Variants in NBEA observed in about 807,000 individuals in gnomAD.
NBEA encodes the protein neurobeachin.
Under a neutral mutation model 343.4 loss-of-function variants are expected in NBEA, and 44 were observed. That is an observed-to-expected ratio of 0.13 (90% confidence interval 0.10 to 0.16). The LOEUF is 0.16. NBEA is among the 10% of genes least tolerant of loss of function. The pLI is 1.00. For missense variants in NBEA, 2,555 were observed against 3,631.3 expected (o/e 0.70, Z 7.62); for synonymous variants, 1,175 against 1,238.7 (o/e 0.95, Z 1.08).
chr13:35,612,017 A>G lies in NBEA; in HGVS notation c.7449+5439A>G, dbSNP rs80031955. Reference sequence around the variant, plus strand: ...TTCTCAAAATGACCTTGCATTCCCCAGCAATGTATGACAGTTCCAGTTCCT... The same window carrying G: ...TTCTCAAAATGACCTTGCATTCCCCGGCAATGTATGACAGTTCCAGTTCCT... On this transcript the variant is annotated intron_variant, in intron 48 of 58. Transcript: ENST00000379939. Among the ~76,000 whole-genome samples the G allele has an allele frequency of 4.2e-3, 640 of 151,666 alleles. 6 individuals carry two copies. Among genetic ancestry groups the G allele is most frequent in the African/African-American group, 0.015 (609 of 41,380 alleles).
At chr13:35,449,579 A>G (rs1195328007) in intron 39 of NBEA, among the ~76,000 whole-genome samples, 1 of 152,186 alleles carries the variant, frequency 6.6e-6, no homozygotes. Flanking sequence ...TTTGTTCTCA[A>G]ATGATGCAAG....
intron 1 of NBEA, among the ~76,000 whole-genome samples, chr13:34,970,235 A>G (rs112436232): frequency 0.015 from 2,341 of 152,072 alleles, 63 homozygotes; most frequent in African/African-American, 0.054. Flanking sequence ...CCATTTTTTA[A>G]TGGCATTGTT....
At chr13:35,009,606 C>T (rs1025924989) in intron 1 of NBEA, among the ~76,000 whole-genome samples, 2 of 152,068 alleles carry the variant, frequency 1.3e-5, no homozygotes, top group African/African-American at 4.8e-5. Context: ...GAGTGCTGTA[C>T]AAGTTTGGAT....
intron 41 of NBEA, among the ~76,000 whole-genome samples, chr13:35,496,460 T>C (rs924572816): frequency 6.6e-6 from 1 of 151,284 alleles, no homozygotes; most frequent in Non-Finnish European, 1.5e-5. Context: ...CATGGTGAGA[T>C]CTTGTCTCTA....
Position 35,045,383 on chromosome 13 carries a change from C to T in NBEA, c.705C>T (p.Phe235=), listed in dbSNP as rs767011945. Residue 235 remains phenylalanine (F), a synonymous_variant, in exon 4 of 59, where the codon TTC becomes TTT. Coordinates refer to ENST00000379939, the MANE Select transcript of NBEA (RefSeq NM_001385012.1). The stretch of plus-strand genomic sequence containing the variant: ...ACGGTCCTGATACTTTTTTCAATTT[C>T]CCTGGTTGTAGCGCTGCGGTAAGTT... ...QRHGPDTFFN[F]PGCSAAAIAL... 6.2e-7 allele frequency: 1 copy of T among 1,609,204 alleles called. No homozygotes were observed.
intron 41 of NBEA, among the ~76,000 whole-genome samples, chr13:35,535,843 G>A (rs2078512862): frequency 1.3e-5 from 2 of 152,116 alleles, no homozygotes; most frequent in Non-Finnish European, 1.5e-5. Flanking sequence ...AAAACTAAGT[G>A]CTAGTAAAGT....
intron 38 of NBEA, among the ~76,000 whole-genome samples, chr13:35,430,342 C>T (rs1475339447): frequency 1.3e-5 from 2 of 152,012 alleles, no homozygotes; most frequent in Non-Finnish European, 2.9e-5. Context: ...GTCTGGATTC[C>T]TGTTGCCCAA....
At chr13:35,652,688 CTTTTTTTTTTT>C (rs766315741) in intron 53 of NBEA, among the ~76,000 whole-genome samples, 1 of 67,574 alleles carries the variant, frequency 1.5e-5, no homozygotes, top group Non-Finnish European at 2.5e-5. Context: ...TTCTGGCAGT[CTTTTTTTTTTT>C]TTTTTTTTTT....
At chr13:35,474,697 T>G (rs879091724) in intron 41 of NBEA, 2 of 191,764 alleles carry the variant, frequency 1.0e-5, no homozygotes, top group Admixed American at 1.1e-4. Flanking sequence ...CACAGACAGA[T>G]GCACCTAAAT....
chr13:35,292,261 CA>C (rs2035850940), intron 35 of NBEA, among the ~76,000 whole-genome samples: 1 of 151,718 alleles, frequency 6.6e-6, no homozygotes, highest in South Asian at 2.1e-4. Context: ...ACACACATAC[CA>C]AAAAATGGAC....
chr13:35,522,244 G>T (rs917966707), intron 41 of NBEA, among the ~76,000 whole-genome samples: 1 of 151,860 alleles, frequency 6.6e-6, no homozygotes, highest in African/African-American at 2.4e-5. Flanking sequence ...ATCACCTGAG[G>T]ATCACCTGAG....
At chr13:35,560,583 G>C (rs1263047632) in intron 44 of NBEA, among the ~76,000 whole-genome samples, 5 of 152,152 alleles carry the variant, frequency 3.3e-5, no homozygotes, top group African/African-American at 1.2e-4. Flanking sequence ...GGGGAGTGAA[G>C]AAGTTAGAAC....
chr13:35,408,528 T>TG (rs1228183108), intron 38 of NBEA, among the ~76,000 whole-genome samples: 1 of 152,046 alleles, frequency 6.6e-6, no homozygotes, highest in Non-Finnish European at 1.5e-5. Context: ...TTTAAAGAGC[T>TG]TCTGCACAGC....
rs774462457 is a variant in NBEA, at chr13:35,555,120, TTAATC to T, written c.6922+23_6922+27del. The T allele has an allele frequency of 1.1e-5, 15 of 1,324,724 alleles. No individual in the cohort carries two copies. The highest frequency in any genetic ancestry group is 1.1e-4 in the South Asian group (9 of 81,488). The allele number at this position is 1,324,724 out of a possible 1,614,324, so 82.1% of individuals were successfully genotyped here. ...TATTGCAGGTAAGATGTCTCATTCT[TTAATC>T]TAATAATATGTTTATGTTCATCAAA... On this transcript the variant is annotated intron_variant, in intron 44 of 58. Transcript: ENST00000379939.
intron 33 of NBEA, among the ~76,000 whole-genome samples, chr13:35,220,175 T>C (rs1835907452): frequency 6.6e-6 from 1 of 152,206 alleles, no homozygotes; most frequent in African/African-American, 2.4e-5. Flanking sequence ...CCCCAAATTT[T>C]GCAGACATAC....
At chr13:35,264,190 A>G (rs1578014) in intron 34 of NBEA, among the ~76,000 whole-genome samples, 6,303 of 151,956 alleles carry the variant, frequency 0.041, 408 homozygotes, top group African/African-American at 0.14. Context: ...GATACATACA[A>G]TCTACCAAGA....
At chr13:35,447,267 C>T (rs1390844267) in intron 39 of NBEA, among the ~76,000 whole-genome samples, 1 of 151,804 alleles carries the variant, frequency 6.6e-6, no homozygotes, top group Non-Finnish European at 1.5e-5. Context: ...AAAATAACAA[C>T]AAAACTTTAA....
intron 36 of NBEA, 50 bp downstream of exon 36, chr13:35,309,642 A>G: frequency 1.9e-6 from 2 of 1,046,514 alleles, no homozygotes; most frequent in Non-Finnish European, 2.8e-6. Flanking sequence ...ATTTTATTCC[A>G]CTGGGCAATT....
Position 35,159,305 on chromosome 13 carries a change from G to T in NBEA, c.3134G>T (p.Gly1045Val). The T allele has an allele frequency of 6.2e-7, 1 of 1,613,576 alleles. No individual in the cohort carries two copies. Among genetic ancestry groups the T allele is most frequent in the South Asian group, 1.1e-5 (1 of 91,072 alleles). Residue 1045 changes from glycine to valine, a missense_variant, in exon 22 of 59, where the codon GGA becomes GTA. Coordinates refer to ENST00000379939, the MANE Select transcript of NBEA (RefSeq NM_001385012.1). Reference protein sequence around the residue: ...DDILGNSDRPGSGVHVEVHDL... With the variant: ...DDILGNSDRPVSGVHVEVHDL... Reference sequence around the variant, plus strand: ...ATTCTTGGAAATTCAGATAGACCAGGAAGTGGTGTACATGTGGAAGTACAT... The same window carrying T: ...ATTCTTGGAAATTCAGATAGACCAGTAAGTGGTGTACATGTGGAAGTACAT...
Sources: allele counts gnomAD v4.1 joint callset (sites outside exome capture counted in the v4.1 genomes callset), GRCh38; gene constraint gnomAD v4.1.1; transcripts MANE v1.5; gene names NCBI Gene and HGNC (gene_info 2026-07-23, HGNC 2026-07-21).